Variants in DLGAP2 observed in about 807,000 individuals in gnomAD.
DLGAP2 encodes disks large-associated protein 2.
A neutral mutation model predicts 100.3 loss-of-function variants in DLGAP2; 26 were observed. The ratio of observed to expected loss-of-function variants is 0.26; its 90% CI spans 0.19 to 0.36. The LOEUF is 0.36. DLGAP2 is among the 10% of genes least tolerant of loss of function. The pLI, the probability that DLGAP2 is intolerant of heterozygous loss-of-function variation, is 1.00. For missense variants in DLGAP2, 1,858 were observed against 1,453.2 expected, an observed-to-expected ratio of 1.28 and a Z score of -4.53; for synonymous variants, 886 against 630.1, an observed-to-expected ratio of 1.41 and a Z score of -6.08.
intron 3 of DLGAP2, among the ~76,000 whole-genome samples, chr8:1,458,741 C>A (rs992161424): frequency 2.6e-5 from 4 of 152,236 alleles, no homozygotes; most frequent in African/African-American, 9.6e-5. Context: ...CAGGACCCAC[C>A]TAGGATGTGT....
intron 3 of DLGAP2, among the ~76,000 whole-genome samples, chr8:1,435,683 C>A (rs1022219964): frequency 1.3e-4 from 19 of 151,812 alleles, no homozygotes; most frequent in African/African-American, 4.1e-4. Flanking sequence ...TGGGCCAGTC[C>A]TTCAGGAGGT....
At chr8:1,151,045 C>T (rs1258019221) in intron 2 of DLGAP2, among the ~76,000 whole-genome samples, 1 of 152,104 alleles carries the variant, frequency 6.6e-6, no homozygotes, top group South Asian at 2.1e-4. Context: ...TTTGGTCCTC[C>T]ACTTTCTTTT....
chr8:1,372,477 A>G (rs918919729), intron 3 of DLGAP2, among the ~76,000 whole-genome samples: 4 of 152,090 alleles, frequency 2.6e-5, no homozygotes, highest in African/African-American at 9.7e-5. Context: ...AGGGCTTCTC[A>G]CCCTCAGCTC....
At chr8:1,281,296 C>T (rs1799808592) in intron 3 of DLGAP2, among the ~76,000 whole-genome samples, 2 of 152,096 alleles carry the variant, frequency 1.3e-5, no homozygotes, top group South Asian at 2.1e-4. Context: ...CTGTGAGAAA[C>T]GGGGGATGGT....
At chr8:1,152,100 G>A (rs1187214033) in intron 2 of DLGAP2, among the ~76,000 whole-genome samples, 1 of 152,144 alleles carries the variant, frequency 6.6e-6, no homozygotes, top group African/African-American at 2.4e-5. Flanking sequence ...TCCTTGAGAG[G>A]CACAGTATGT....
At chr8:1,514,117 C>T (rs970250280) in intron 4 of DLGAP2, among the ~76,000 whole-genome samples, 5 of 152,210 alleles carry the variant, frequency 3.3e-5, no homozygotes, top group Admixed American at 1.3e-4. Flanking sequence ...TGTGGCCACA[C>T]GAGCAGCCCC....
intron 3 of DLGAP2, among the ~76,000 whole-genome samples, chr8:1,462,010 CG>C (rs1454990058): frequency 4.7e-5 from 2 of 42,294 alleles, no homozygotes; most frequent in African/African-American, 1.2e-4. Flanking sequence ...GCTGCTGTCA[CG>C]TGGGCTGGGT....
intron 2 of DLGAP2, among the ~76,000 whole-genome samples, chr8:1,059,767 C>A (rs758987903): frequency 6.6e-6 from 1 of 152,066 alleles, no homozygotes; most frequent in Non-Finnish European, 1.5e-5. Flanking sequence ...TCTGTGCAGG[C>A]GCAGTGGTGA....
chr8:1,554,583 G>C (rs74576137), intron 5 of DLGAP2, among the ~76,000 whole-genome samples: 3,306 of 152,170 alleles, frequency 0.022, 131 homozygotes, highest in African/African-American at 0.076. Flanking sequence ...TCCTGAGCCC[G>C]GGTCCTGTCT....
chr8:1,166,952 C>G lies in DLGAP2; in HGVS notation c.74-91899C>G, dbSNP rs536285017. On this transcript the variant is annotated intron_variant, in intron 2 of 14. Transcript: ENST00000637795. ...ACGAGGCCAGGAGTTCAGGATCAGCCTAGGCAACATCTCTGCAAAAAATTT... is the reference window on the plus strand; with the variant it reads ...ACGAGGCCAGGAGTTCAGGATCAGCGTAGGCAACATCTCTGCAAAAAATTT... Among the ~76,000 whole-genome samples the G allele has an allele frequency of 6.1e-4, 93 of 152,198 alleles. 1 individual carries two copies. The highest frequency in any genetic ancestry group is 3.4e-3 in the Middle Eastern group (1 of 294).
intron 2 of DLGAP2, among the ~76,000 whole-genome samples, chr8:1,204,153 C>T (rs560811143): frequency 2.0e-5 from 3 of 152,322 alleles, no homozygotes; most frequent in African/African-American, 7.2e-5. Context: ...GGTCCACAGA[C>T]CAGAGTTTGA....
chr8:1,359,954 G>A (rs889313854), intron 3 of DLGAP2, among the ~76,000 whole-genome samples: 13 of 152,188 alleles, frequency 8.5e-5, no homozygotes, highest in African/African-American at 3.1e-4. Context: ...TCCTGAGTTC[G>A]TGGACGAGTC....
chr8:1,389,031 G>T (rs543775536), intron 3 of DLGAP2, among the ~76,000 whole-genome samples: 20 of 141,780 alleles, frequency 1.4e-4, no homozygotes, highest in Middle Eastern at 7.9e-3. Flanking sequence ...ATGAGGAGGC[G>T]CTGGTTCAGG....
intron 1 of DLGAP2, among the ~76,000 whole-genome samples, chr8:855,908 A>G (rs538167070): frequency 2.0e-5 from 3 of 152,324 alleles, no homozygotes; most frequent in Non-Finnish European, 2.9e-5. Flanking sequence ...CCTGAACTCA[A>G]TAAAGAAAAT....
chr8:1,241,239 CTGTCACATGGAACCATGTCTA>C (rs1798788856), intron 2 of DLGAP2, among the ~76,000 whole-genome samples: 1 of 149,970 alleles, frequency 6.7e-6, no homozygotes, highest in African/African-American at 2.5e-5. Flanking sequence ...GTGTCTAGTT[CTGTCACATGGAACCATGTCTA>C]GTTCTCTCAC....
At chr8:809,756 C>A (rs375503325) in intron 1 of DLGAP2, among the ~76,000 whole-genome samples, 5 of 152,118 alleles carry the variant, frequency 3.3e-5, no homozygotes, top group African/African-American at 9.7e-5. Context: ...GGAGAGAGAG[C>A]GTGACCAGAG....
chr8:1,204,348 C>G (rs141320919), intron 2 of DLGAP2, among the ~76,000 whole-genome samples: 1 of 152,116 alleles, frequency 6.6e-6, no homozygotes, highest in Non-Finnish European at 1.5e-5. Flanking sequence ...TGTGGAAGAA[C>G]CCGGGGATTC....
At chr8:961,085 G>A (rs780564693) in intron 2 of DLGAP2, among the ~76,000 whole-genome samples, 7 of 152,212 alleles carry the variant, frequency 4.6e-5, no homozygotes, top group Admixed American at 2.6e-4. Context: ...GCCTGTGAAC[G>A]ATACTTAGAC....
intron 3 of DLGAP2, among the ~76,000 whole-genome samples, chr8:1,265,881 C>T (rs1799440242): frequency 6.6e-6 from 1 of 152,064 alleles, no homozygotes. Flanking sequence ...GAAAAAGGCT[C>T]ATACAACACA....
Sources: gnomAD v4.1 joint callset for allele counts (sites outside exome capture counted in the v4.1 genomes callset) on GRCh38, gnomAD v4.1.1 for gene constraint, MANE v1.5 for transcripts, NCBI Gene and HGNC (gene_info 2026-07-23, HGNC 2026-07-21) for gene names.